Variants in TMEM245 observed in about 807,000 individuals in gnomAD.
TMEM245 encodes protein CG-2.
A neutral mutation model predicts 101.2 loss-of-function variants in TMEM245; 69 were observed. That is an observed-to-expected ratio of 0.68 (90% CI 0.56 to 0.83). The LOEUF is 0.83. Ranked by LOEUF, TMEM245 falls within the 40% of genes least tolerant of loss-of-function variation. The pLI is 0.00. For synonymous variants in TMEM245, 537 were observed against 449.8 expected (o/e 1.19, Z -2.45); for missense variants, 1,075 against 1,092.8 (o/e 0.98, Z 0.23).
intron 1 of TMEM245, among the ~76,000 whole-genome samples, chr9:109,112,904 C>A (rs1053111122): frequency 6.6e-6 from 1 of 152,012 alleles, no homozygotes; most frequent in African/African-American, 2.4e-5. Context: ...GGTGAAACCC[C>A]GTCTCTACTA....
At chr9:109,035,427 C>T (rs1828089625) in intron 16 of TMEM245, among the ~76,000 whole-genome samples, 1 of 152,112 alleles carries the variant, frequency 6.6e-6, no homozygotes, top group Admixed American at 6.6e-5. Context: ...TAAAAACAGA[C>T]ATTTATTTAT....
In TMEM245 at chr9:109,036,260, A is replaced by C; in HGVS notation, c.2345T>G (p.Phe782Cys). The C allele has an allele frequency of 1.2e-6, 2 of 1,613,848 alleles. No homozygotes were observed. The highest frequency in any genetic ancestry group is 1.7e-6 in the Non-Finnish European group (2 of 1,179,974). The change falls in exon 16 of 18, where the codon TTT (phenylalanine) becomes TGT (cysteine). Residue 782 changes from phenylalanine to cysteine, a missense_variant. Physicochemically the swap from Phe to Cys is radical, Grantham distance 205. Transcript: ENST00000374586. Reference protein sequence around the residue: ...LGCKAILLLIFHLLPTYFVDT... With the variant: ...LGCKAILLLICHLLPTYFVDT... ...TACAAAGTATGTTGGCAAGAGATGAAAAATCAACAGTAAAATGGCCTTGCA... is the reference window on the plus strand; with the variant it reads ...TACAAAGTATGTTGGCAAGAGATGACAAATCAACAGTAAAATGGCCTTGCA...
Position 109,086,138 on chromosome 9 carries a change from AGGAAAAACTAGGGAC to A in TMEM245, c.1321-133_1321-119del, listed in dbSNP as rs1044614670. 129 of 1,009,534 alleles carry A rather than the reference AGGAAAAACTAGGGAC, an allele frequency of 1.3e-4. 1 individual carries two copies. In the Middle Eastern group the frequency reaches 5.6e-3, roughly 44 times the overall value. The allele number at this position is 1,009,534 out of a possible 1,614,324, so 62.5% of individuals were successfully genotyped here. On this transcript the variant is annotated intron_variant, in intron 6 of 17. Transcript: ENST00000374586. ...ATGAGAAGGAAACCATCCCAGACAA[AGGAAAAACTAGGGAC>A]GGAAAAACTGTAACACATCAAAGTT...
chr9:109,031,591 G>T (rs149344761), intron 17 of TMEM245, among the ~76,000 whole-genome samples: 1 of 152,206 alleles, frequency 6.6e-6, no homozygotes, highest in Non-Finnish European at 1.5e-5. Flanking sequence ...TATGGTTAGA[G>T]TATCAGCAGG....
chr9:109,115,500 A>AT (rs1391362920), intron 1 of TMEM245, among the ~76,000 whole-genome samples: 3 of 116,180 alleles, frequency 2.6e-5, no homozygotes, highest in Non-Finnish European at 3.7e-5. Flanking sequence ...TATTTTTCTG[A>AT]TTTTTTCCTA....
At chr9:109,049,966 T>A (rs979608076) in intron 14 of TMEM245, among the ~76,000 whole-genome samples, 23 of 152,212 alleles carry the variant, frequency 1.5e-4, no homozygotes, top group Non-Finnish European at 2.6e-4. Flanking sequence ...ATTTTTAAAA[T>A]TTTTTTATAG....
intron 16 of TMEM245, chr9:109,035,880 C>T (rs1012072615): frequency 2.5e-5 from 4 of 158,648 alleles, no homozygotes; most frequent in Non-Finnish European, 3.8e-5. Context: ...AGGTTCAAGG[C>T]TGCCATGAGC....
At chr9:109,066,680 T>C (rs907522006) in intron 9 of TMEM245, among the ~76,000 whole-genome samples, 2 of 151,846 alleles carry the variant, frequency 1.3e-5, no homozygotes, top group Non-Finnish European at 2.9e-5. Context: ...TGGTAACTTA[T>C]AATTGATATT....
chr9:109,119,093 A>G (rs1260580765), intron 1 of TMEM245, among the ~76,000 whole-genome samples: 1 of 152,200 alleles, frequency 6.6e-6, no homozygotes, highest in South Asian at 2.1e-4. Context: ...TCCCCCTAAG[A>G]GGGCCTATTA....
chr9:109,037,947 C>T, intron 15 of TMEM245, 70 bp downstream of exon 15: 1 of 1,273,744 alleles, frequency 7.9e-7, no homozygotes. Context: ...GTAGACATTT[C>T]CTAGATGTAT....
At chr9:109,108,151 T>C (rs951143306) in intron 2 of TMEM245, among the ~76,000 whole-genome samples, 6 of 152,156 alleles carry the variant, frequency 3.9e-5, no homozygotes, top group African/African-American at 1.4e-4. Context: ...GTTGACTGCT[T>C]ATCTATATCT....
At chr9:109,064,637 T>C (rs1047612844) in intron 9 of TMEM245, 70 bp from the exon 10 acceptor site, 2 of 1,273,418 alleles carry the variant, frequency 1.6e-6, no homozygotes, top group Non-Finnish European at 2.3e-6. Context: ...TGCTTTGAAC[T>C]TGATATGCTT....
rs898125785 is a variant in TMEM245 at position 109,086,039 on chromosome 9, G to A, written c.1321-19C>T. On this transcript the variant is annotated intron_variant, in intron 6 of 17. Coordinates refer to ENST00000374586, the MANE Select transcript of TMEM245 (RefSeq NM_032012.4). ...GCCAGAGCTTGAGGATAGGGGGTAAGGTGAGAAAGAGAAGATAAGAACAGT... is the reference window on the plus strand; with the variant it reads ...GCCAGAGCTTGAGGATAGGGGGTAAAGTGAGAAAGAGAAGATAAGAACAGT... 1.1e-5 allele frequency: 18 copies of A among 1,613,236 alleles called. No homozygotes were observed. The African/African-American group carries it at 2.0e-4, about 18-fold the overall frequency.
At chr9:109,069,048 G>A (rs1281874165) in intron 9 of TMEM245, among the ~76,000 whole-genome samples, 1 of 152,224 alleles carries the variant, frequency 6.6e-6, no homozygotes, top group Non-Finnish European at 1.5e-5. Flanking sequence ...AGTTATGCAA[G>A]ATGACAACAC....
chr9:109,036,358 T>C lies in TMEM245; in HGVS notation c.2247A>G (p.Ala749=). The C allele has an allele frequency of 6.2e-7, 1 of 1,600,200 alleles. No individual in the cohort carries two copies. Among genetic ancestry groups the C allele is most frequent in the Non-Finnish European group, 8.5e-7 (1 of 1,176,662 alleles). Residue 749 remains alanine, a synonymous_variant, in exon 16 of 18, where the codon GCA becomes GCG. Coordinates refer to ENST00000374586, the MANE Select transcript of TMEM245 (RefSeq NM_032012.4). The stretch of plus-strand genomic sequence containing the variant: ...CCCAGTATGTCCCCAGGAATGGCAC[T>C]GCTCCAAGGATTGCTGCTAATGCTG... The part of the protein sequence containing the change: ...IPSALAAILG[A]VPFLGTYWAA...
intron 12 of TMEM245, among the ~76,000 whole-genome samples, chr9:109,052,325 C>A (rs1348417164): frequency 2.0e-5 from 3 of 152,160 alleles, no homozygotes; most frequent in Non-Finnish European, 4.4e-5. Context: ...ATTTGAAGCT[C>A]ACAAATTTTT....
chr9:109,106,542 G>A lies in TMEM245; in HGVS notation c.765C>T (p.Thr255=), dbSNP rs764803663. The A allele has an allele frequency of 6.2e-7, 1 of 1,610,968 alleles. No individual in the cohort carries two copies. Among genetic ancestry groups the A allele is most frequent in the South Asian group, 1.1e-5 (1 of 90,654 alleles). ...LVIVFLMSVG[T]LYEKQNGKES... ...CTTTTCCATTCTGTTTTTCATAGAG[G>A]GTACCCACAGACATCAGGAAAACAA... Residue 255 remains threonine, a synonymous_variant, in exon 3 of 18, where the codon ACC becomes ACT. Transcript: ENST00000374586.
chr9:109,049,351 T>C (rs1437553312), intron 14 of TMEM245, among the ~76,000 whole-genome samples: 2 of 152,170 alleles, frequency 1.3e-5, no homozygotes, highest in African/African-American at 2.4e-5. Flanking sequence ...TAGCTGGGAC[T>C]ACAGCTTTCA....
chr9:109,075,312 T>C (rs1380477447), intron 8 of TMEM245, among the ~76,000 whole-genome samples: 1 of 151,776 alleles, frequency 6.6e-6, no homozygotes. Context: ...TTATAAGGGA[T>C]ACTGGTCTGC....
Sources: allele counts gnomAD v4.1 joint callset (sites outside exome capture counted in the v4.1 genomes callset), GRCh38; gene constraint gnomAD v4.1.1; transcripts MANE v1.5; gene names NCBI Gene and HGNC (gene_info 2026-07-23, HGNC 2026-07-21).